Variants in TSHZ2 observed in about 807,000 individuals in gnomAD.
TSHZ2 encodes the protein teashirt zinc finger homeobox 2.
A neutral mutation model predicts 74.4 loss-of-function variants in TSHZ2; 21 were observed. That is an observed-to-expected ratio of 0.28 (90% CI 0.20 to 0.41). The LOEUF (loss-of-function observed/expected upper bound fraction) is 0.41, where lower values mean the gene tolerates loss of function less well. TSHZ2 is among the 10% of genes least tolerant of loss of function. The pLI is 1.00. For missense variants in TSHZ2, 1,244 were observed against 1,293.5 expected (o/e 0.96, Z 0.59); for synonymous variants, 540 against 515.3 (o/e 1.05, Z -0.65).
chr20:53,165,952 G>A (rs141030392), intron 1 of TSHZ2, among the ~76,000 whole-genome samples: 60 of 152,304 alleles, frequency 3.9e-4, no homozygotes, highest in African/African-American at 1.4e-3. Context: ...CTCTGGCCTG[G>A]ACACTGAAGT....
chr20:53,276,840 G>A (rs144262368), intron 2 of TSHZ2, among the ~76,000 whole-genome samples: 245 of 152,328 alleles, frequency 1.6e-3, no homozygotes, highest in Middle Eastern at 6.8e-3. Context: ...TGGGCATGTT[G>A]TAAGTGCTCC....
intron 1 of TSHZ2, among the ~76,000 whole-genome samples, chr20:53,144,782 T>C (rs1987499104): frequency 6.6e-6 from 1 of 151,924 alleles, no homozygotes; most frequent in Non-Finnish European, 1.5e-5. Flanking sequence ...GTAAACACAC[T>C]GACTCAAGAT....
chr20:53,441,207 A>C (rs1984299329), intron 2 of TSHZ2, among the ~76,000 whole-genome samples: 1 of 132,170 alleles, frequency 7.6e-6, no homozygotes. Context: ...TTCCATTATA[A>C]CCCTTATTTA....
intron 2 of TSHZ2, among the ~76,000 whole-genome samples, chr20:53,344,794 A>G (rs1980371633): frequency 6.6e-6 from 1 of 152,218 alleles, no homozygotes. Context: ...AAAGTTTACA[A>G]CCTTCACTTT....
intron 2 of TSHZ2, among the ~76,000 whole-genome samples, chr20:53,409,545 A>C (rs1448747588): frequency 6.6e-6 from 1 of 152,152 alleles, no homozygotes; most frequent in Non-Finnish European, 1.5e-5. Flanking sequence ...CCAACTTTCT[A>C]ATCAGCTTGA....
At chr20:53,394,779 A>AAAAAAAAAAAAAAAAAAAAAC (rs1156954893) in intron 2 of TSHZ2, among the ~76,000 whole-genome samples, 1 of 149,616 alleles carries the variant, frequency 6.7e-6, no homozygotes, top group African/African-American at 2.5e-5. Context: ...AAAAAAAAAA[A>AAAAAAAAAAAAAAAAAAAAAC]ACTGTTCTTC....
chr20:53,401,323 C>T (rs578109997), intron 2 of TSHZ2: 1 of 152,314 alleles, frequency 6.6e-6, no homozygotes, highest in South Asian at 2.1e-4. Context: ...GGACAGTGGT[C>T]CCATAAGATT....
At chr20:53,470,210 C>G (rs1352533661) in intron 2 of TSHZ2, among the ~76,000 whole-genome samples, 1 of 152,146 alleles carries the variant, frequency 6.6e-6, no homozygotes, top group African/African-American at 2.4e-5. Context: ...TATCCACTCA[C>G]CCACATGAAG....
rs558554924 is a variant in TSHZ2, at chr20:53,378,512, A to T, written c.*9-108632A>T. On this transcript the variant is annotated intron_variant, in intron 2 of 2. Coordinates refer to ENST00000371497, the MANE Select transcript of TSHZ2 (RefSeq NM_173485.6). ...ACTGAATTTGTACTTTAAAGCCCCA[A>T]CAGGTTTTCCCCCTGTTTCAGTGTG... Among the ~76,000 whole-genome samples, 7 of 152,188 alleles carry T rather than the reference A, an allele frequency of 4.6e-5. No homozygotes were observed. In the South Asian group the frequency reaches 1.5e-3, roughly 32 times the overall value.
chr20:53,001,222 G>GTATGTGTGTGTGTGTGTGTGTATA (rs1555813598), intron 1 of TSHZ2, among the ~76,000 whole-genome samples: 2 of 147,380 alleles, frequency 1.4e-5, no homozygotes, highest in Admixed American at 6.7e-5. Flanking sequence ...GTGTGTGTGT[G>GTATGTGTGTGTGTGTGTGTGTATA]TGTGTGTGTG....
intron 1 of TSHZ2, among the ~76,000 whole-genome samples, chr20:53,087,469 C>T (rs1482225424): frequency 6.6e-6 from 1 of 152,184 alleles, no homozygotes; most frequent in East Asian, 1.9e-4. Flanking sequence ...AGAACTCAGA[C>T]TTCTTGATGC....
In TSHZ2 at chr20:53,050,137, A is replaced by ATG. The variant is rs1244702184; in HGVS notation, c.40+76808_40+76809dup. ...TATATATATATATACACATATATAT[A>ATG]TGTGTATATATATATACACATATAT... On this transcript the variant is annotated intron_variant, in intron 1 of 2. Coordinates refer to ENST00000371497, the MANE Select transcript of TSHZ2 (RefSeq NM_173485.6). 2.8e-3 allele frequency among the ~76,000 whole-genome samples: 272 copies of ATG among 96,876 alleles called. 1 individual carries two copies. Among genetic ancestry groups the ATG allele is most frequent in the Non-Finnish European group, 3.8e-3 (175 of 46,580 alleles). The allele number at this position is 96,876 out of a possible 152,430, so 63.6% of individuals were successfully genotyped here.
chr20:53,468,779 A>G (rs1328542367), intron 2 of TSHZ2, among the ~76,000 whole-genome samples: 1 of 150,928 alleles, frequency 6.6e-6, no homozygotes, highest in African/African-American at 2.4e-5. Context: ...TGAAACATAC[A>G]TCATGCATTT....
chr20:53,233,449 C>T (rs1296159309), intron 1 of TSHZ2, among the ~76,000 whole-genome samples: 3 of 152,082 alleles, frequency 2.0e-5, no homozygotes, highest in African/African-American at 7.2e-5. Flanking sequence ...GACCTTTACG[C>T]TAAAACTGGG....
chr20:53,469,796 G>A (rs1245497776), intron 2 of TSHZ2, among the ~76,000 whole-genome samples: 3 of 134,932 alleles, frequency 2.2e-5, no homozygotes, highest in African/African-American at 2.7e-5. Flanking sequence ...GAGGAAGGAA[G>A]GAAGGAAGGA....
chr20:53,290,330 T>C (rs1991255713), intron 2 of TSHZ2, among the ~76,000 whole-genome samples: 1 of 152,098 alleles, frequency 6.6e-6, no homozygotes, highest in Non-Finnish European at 1.5e-5. Flanking sequence ...ACTGTTCATT[T>C]TGGTGGATTC....
At chr20:53,043,289 CAGG>C (rs1427628155) in intron 1 of TSHZ2, among the ~76,000 whole-genome samples, 1 of 152,178 alleles carries the variant, frequency 6.6e-6, no homozygotes, top group Non-Finnish European at 1.5e-5. Context: ...CTGTTCTCAA[CAGG>C]AGGTGGTTTT....
chr20:53,112,596 A>G (rs1986564456), intron 1 of TSHZ2, among the ~76,000 whole-genome samples: 1 of 152,098 alleles, frequency 6.6e-6, no homozygotes, highest in Non-Finnish European at 1.5e-5. Flanking sequence ...TGGTATGATC[A>G]TGGCTCACTG....
intron 2 of TSHZ2, among the ~76,000 whole-genome samples, chr20:53,408,273 C>T (rs1445613043): frequency 6.6e-6 from 1 of 152,170 alleles, no homozygotes; most frequent in Non-Finnish European, 1.5e-5. Context: ...CTGATGTCCC[C>T]AGCGTTCGAC....
Sources: allele counts gnomAD v4.1 joint callset (sites outside exome capture counted in the v4.1 genomes callset), GRCh38; gene constraint gnomAD v4.1.1; transcripts MANE v1.5; gene names NCBI Gene and HGNC (gene_info 2026-07-23, HGNC 2026-07-21).